PBX1: variants seen among roughly 807,000 people sequenced by gnomAD.
The protein encoded by PBX1 is pre-B-cell leukemia transcription factor 1.
A neutral mutation model predicts 53.4 loss-of-function variants in PBX1; 6 were observed. The observed-to-expected ratio is 0.11, with a 90% CI of 0.06 to 0.22. PBX1 has a LOEUF of 0.22. Among genes scored for constraint, PBX1 ranks in the 10% least tolerant of loss-of-function variants. The probability of loss-of-function intolerance (pLI) is 1.00; values close to 1 mark genes in which losing one functional copy is unlikely to be tolerated. For synonymous variants in PBX1, 204 were observed against 212.3 expected (o/e 0.96, Z 0.34); for missense variants, 251 against 551.4 (o/e 0.46, Z 5.46).
chr1:164,673,774 GC>G (rs1394978985), intron 2 of PBX1, among the ~76,000 whole-genome samples: 1 of 152,170 alleles, frequency 6.6e-6, no homozygotes, highest in African/African-American at 2.4e-5. Context: ...TTATGGGAAT[GC>G]CGTGATTCCA....
chr1:164,800,862 G>C (rs201321337), intron 4 of PBX1, among the ~76,000 whole-genome samples: 1 of 152,004 alleles, frequency 6.6e-6, no homozygotes, highest in Non-Finnish European at 1.5e-5. Flanking sequence ...GATATGTCAG[G>C]GTCAGTGTAC....
At chr1:164,682,257 GA>G (rs748508333) in intron 2 of PBX1, 13 of 152,158 alleles carry the variant, frequency 8.5e-5, no homozygotes, top group Non-Finnish European at 1.8e-4. Flanking sequence ...TTCTGAATTG[GA>G]GAGAGAGCAG....
At chr1:164,678,796 C>T (rs1489135057) in intron 2 of PBX1, among the ~76,000 whole-genome samples, 2 of 152,218 alleles carry the variant, frequency 1.3e-5, no homozygotes, top group East Asian at 1.9e-4. Flanking sequence ...GCCACTCTCT[C>T]ATCCTCAGTC....
intron 2 of PBX1, among the ~76,000 whole-genome samples, chr1:164,642,511 C>T (rs1382933015): frequency 6.6e-6 from 1 of 152,142 alleles, no homozygotes; most frequent in Non-Finnish European, 1.5e-5. Context: ...TGAAACTTGT[C>T]AGGGTAGTTC....
intron 4 of PBX1, among the ~76,000 whole-genome samples, chr1:164,804,368 A>G (rs1225288599): frequency 1.3e-5 from 2 of 152,170 alleles, no homozygotes; most frequent in Non-Finnish European, 2.9e-5. Context: ...TTTTTCCAGG[A>G]GGGCTTCTTA....
At chr1:164,678,989 G>A (rs1661594882) in intron 2 of PBX1, among the ~76,000 whole-genome samples, 1 of 152,132 alleles carries the variant, frequency 6.6e-6, no homozygotes, top group Non-Finnish European at 1.5e-5. Context: ...TCCTCACATA[G>A]GCAGAGGGAG....
At position 164,590,509 on chromosome 1, in the gene PBX1, G is replaced by GT. The variant is rs1000696035; in HGVS notation, c.265+27203dup. ...GGAGGAAGTTAAGTTGAGAGGTGCCGTTTTTGGTGAGCCTTAATGAGGAGG... is the reference window on the plus strand; with the variant it reads ...GGAGGAAGTTAAGTTGAGAGGTGCCGTTTTTTGGTGAGCCTTAATGAGGAGG... On this transcript the variant is annotated intron_variant, in intron 2 of 8. Transcript: ENST00000420696. 6.6e-6 allele frequency: 3 copies of GT among 455,612 alleles called. No individual in the cohort carries two copies. In the East Asian group the frequency reaches 2.1e-4, roughly 32 times the overall value. 28.2% of individuals were successfully genotyped at this position (455,612 alleles called of 1,614,324 possible). A position where few individuals can be genotyped will look rare whatever the true frequency, so the allele number is the denominator to read the frequency against.
intron 2 of PBX1, among the ~76,000 whole-genome samples, chr1:164,681,078 T>C (rs1211571493): frequency 7.2e-6 from 1 of 138,788 alleles, no homozygotes; most frequent in Non-Finnish European, 1.5e-5. Context: ...AGCCTGACTC[T>C]ACTAAGAATT....
At chr1:164,763,222 T>C (rs1005312980) in intron 2 of PBX1, among the ~76,000 whole-genome samples, 1 of 152,132 alleles carries the variant, frequency 6.6e-6, no homozygotes, top group African/African-American at 2.4e-5. Context: ...AGTGGCTCCA[T>C]AGACCACAAA....
At chr1:164,685,548 A>G (rs1662048120) in intron 2 of PBX1, among the ~76,000 whole-genome samples, 1 of 152,210 alleles carries the variant, frequency 6.6e-6, no homozygotes, top group Non-Finnish European at 1.5e-5. Flanking sequence ...CCATGAAATA[A>G]TGTGAGAGTA....
chr1:164,849,349 C>A lies in PBX1; in HGVS notation c.*2673C>A, dbSNP rs557904479. 4 of 1,535,626 alleles carry A rather than the reference C, an allele frequency of 2.6e-6. No homozygotes were observed. The highest frequency in any genetic ancestry group is 3.9e-5 in the Admixed American group (2 of 50,990). On this transcript the variant is annotated 3_prime_UTR_variant, in exon 9 of 9. Coordinates refer to ENST00000420696, the MANE Select transcript of PBX1 (RefSeq NM_002585.4). ...TCTTCTCTATACCCAGCACCTCCCC[C>A]GGCACCCCCGGCAAGCCCACTATCA...
At chr1:164,760,493 AAAACAT>A (rs1666755167) in intron 2 of PBX1, among the ~76,000 whole-genome samples, 1 of 127,750 alleles carries the variant, frequency 7.8e-6, no homozygotes, top group Admixed American at 9.8e-5. Context: ...CGGATTTTTT[AAAACAT>A]ATTTTGTTAT....
At chr1:164,621,131 G>A (rs1657648833) in intron 2 of PBX1, among the ~76,000 whole-genome samples, 2 of 152,312 alleles carry the variant, frequency 1.3e-5, no homozygotes, top group South Asian at 4.1e-4. Flanking sequence ...TGGGACTACA[G>A]GCGCGTGACA....
chr1:164,767,119 C>T (rs978594936), intron 2 of PBX1, among the ~76,000 whole-genome samples: 6 of 152,050 alleles, frequency 3.9e-5, no homozygotes, highest in Admixed American at 2.0e-4. Context: ...GAGAATATGC[C>T]TTAACTGTGA....
chr1:164,689,876 A>G (rs968236021), intron 2 of PBX1, among the ~76,000 whole-genome samples: 11 of 151,230 alleles, frequency 7.3e-5, no homozygotes, highest in African/African-American at 2.7e-4. Flanking sequence ...GAGCTTTTTC[A>G]GTAATGCAGT....
intron 8 of PBX1, among the ~76,000 whole-genome samples, chr1:164,839,255 A>G (rs1459435122): frequency 6.6e-6 from 1 of 152,198 alleles, no homozygotes; most frequent in Non-Finnish European, 1.5e-5. Flanking sequence ...GCAAATGTCA[A>G]TTTCCTGCAA....
At chr1:164,583,281 G>C (rs112881149) in intron 2 of PBX1, among the ~76,000 whole-genome samples, 1 of 142,244 alleles carries the variant, frequency 7.0e-6, no homozygotes, top group Non-Finnish European at 1.5e-5. Flanking sequence ...CAAGAGAGGC[G>C]GGAAAAAAAA....
At chr1:164,881,577 G>GAGGA (rs1250914404) in intron 2 of PBX1, among the ~76,000 whole-genome samples, 1 of 41,856 alleles carries the variant, frequency 2.4e-5, no homozygotes, top group African/African-American at 2.5e-4. Flanking sequence ...GAGAGAGAGA[G>GAGGA]AGGAAGGAAG....
At chr1:164,874,833 C>T (rs1411124257) in intron 2 of PBX1, among the ~76,000 whole-genome samples, 3 of 152,156 alleles carry the variant, frequency 2.0e-5, no homozygotes, top group African/African-American at 7.2e-5. Flanking sequence ...CACTCACAAT[C>T]ATCTTACTAT....
Sources: allele counts gnomAD v4.1 joint callset (sites outside exome capture counted in the v4.1 genomes callset), GRCh38; gene constraint gnomAD v4.1.1; transcripts MANE v1.5; gene names NCBI Gene and HGNC (gene_info 2026-07-23, HGNC 2026-07-21).